NCOA1: variants seen among roughly 807,000 people sequenced by gnomAD.
NCOA1 encodes nuclear receptor coactivator 1.
In NCOA1, 35 loss-of-function variants were observed where a neutral mutation model predicts 150.9. The ratio of observed to expected loss-of-function variants is 0.23; its 90% confidence interval spans 0.18 to 0.31. NCOA1 has a LOEUF of 0.31. NCOA1 is among the 10% of genes least tolerant of loss of function. The pLI is 1.00. For synonymous variants in NCOA1, 590 were observed against 630.0 expected (o/e 0.94, Z 0.95); for missense variants, 1,491 against 1,749.3 (o/e 0.85, Z 2.63).
chr2:24,590,269 A>G (rs1240351533), intron 3 of NCOA1, among the ~76,000 whole-genome samples: 2 of 152,194 alleles, frequency 1.3e-5, no homozygotes, highest in African/African-American at 2.4e-5. Context: ...AAAGCATGTC[A>G]GTATCTTTTC....
chr2:24,536,348 C>T lies in NCOA1; in HGVS notation c.-395-27947C>T, dbSNP rs556499218. On this transcript the variant is annotated intron_variant, in intron 1 of 22. Transcript: ENST00000348332. ...ACACTGTTTATTCTAGTTAGCCATTCGCCTAACCTTTTTTCAAGGTTTTTA... is the reference window on the plus strand; with the variant it reads ...ACACTGTTTATTCTAGTTAGCCATTTGCCTAACCTTTTTTCAAGGTTTTTA... 9.2e-5 allele frequency among the ~76,000 whole-genome samples: 14 copies of T among 152,234 alleles called. No individual in the cohort carries two copies. In the East Asian group the frequency reaches 9.7e-4, roughly 10 times the overall value.
At position 24,707,796 on chromosome 2, in the gene NCOA1, G is replaced by A; in HGVS notation, c.2326G>A (p.Glu776Lys). 6.2e-7 allele frequency: 1 copy of A among 1,614,150 alleles called. No individual in the cohort carries two copies. The highest frequency in any genetic ancestry group is 1.1e-5 in the South Asian group (1 of 91,080). Reference protein sequence around the residue: ...LSLDDVKVKVEKKEQMDPCNT... With the variant: ...LSLDDVKVKVKKKEQMDPCNT... ...CCTGGATGATGTAAAGGTGAAAGTG[G>A]AAAAGAAAGAACAGATGGATCCATG... is the stretch of plus-strand genomic sequence containing the variant. Residue 776 changes from glutamate to lysine, a missense_variant, in exon 13 of 23, where the codon GAA (glutamate) becomes AAA (lysine). By Grantham distance (56) the Glu-to-Lys change is moderately conservative. This residue lies in a region of NCOA1 where 703 missense variants were observed against 717.7 expected (regional missense o/e 0.98). Coordinates refer to ENST00000348332, the MANE Select transcript of NCOA1 (RefSeq NM_003743.5).
chr2:24,762,278 G>A lies in NCOA1; in HGVS notation c.4066-409G>A, dbSNP rs1222844273. ...TCAATTTTTTTAGCTGATTGAGGCA[G>A]GAGGATAAGTCTGATCCCTGTTACT... On this transcript the variant is annotated intron_variant, in intron 21 of 22. Coordinates refer to ENST00000348332, the MANE Select transcript of NCOA1 (RefSeq NM_003743.5). Among the ~76,000 whole-genome samples, 3 of 152,346 alleles carry A rather than the reference G, an allele frequency of 2.0e-5. No homozygotes were observed. In the East Asian group the frequency reaches 5.8e-4, roughly 29 times the overall value.
Position 24,739,470 on chromosome 2 carries a change from T to G in NCOA1, c.3240T>G (p.Phe1080Leu). 6.2e-7 allele frequency: 1 copy of G among 1,613,960 alleles called. No homozygotes were observed. The highest frequency in any genetic ancestry group is 8.5e-7 in the Non-Finnish European group (1 of 1,179,858). The change falls in exon 18 of 23, where the codon TTT becomes TTG. Residue 1080 changes from phenylalanine (F) to leucine (L), a missense_variant. By Grantham distance (22) the Phe-to-Leu change is conservative. This residue lies in a region of NCOA1 where 485 missense variants were observed against 522.8 expected (regional missense o/e 0.93). Coordinates refer to ENST00000348332, the MANE Select transcript of NCOA1 (RefSeq NM_003743.5). ...ATCGGCAAGCTATCTTAAACCAGTT[T>G]GCAGCAACTGCTCCTGTTGGCATCA... is the stretch of plus-strand genomic sequence containing the variant. ...HQNRQAILNQ[F>L]AATAPVGINM...
intron 19 of NCOA1, among the ~76,000 whole-genome samples, chr2:24,747,157 CATTCCAATATGAACAGTT>C: frequency 6.6e-6 from 1 of 152,062 alleles, no homozygotes; most frequent in African/African-American, 2.4e-5. Flanking sequence ...GGAAACTGTT[CATTCCAATATGAACAGTT>C]AGAATGTGAG....
At chr2:24,614,837 A>G (rs184755146) in intron 3 of NCOA1, among the ~76,000 whole-genome samples, 148 of 152,368 alleles carry the variant, frequency 9.7e-4, no homozygotes, top group Admixed American at 3.5e-3. Context: ...AAGGTAACAT[A>G]TATTGTAAGC....
At chr2:24,718,149 C>T (rs575151844) in intron 14 of NCOA1, among the ~76,000 whole-genome samples, 1 of 152,270 alleles carries the variant, frequency 6.6e-6, no homozygotes, top group Admixed American at 6.5e-5. Context: ...ATCCACCCGC[C>T]TTGGCTTCCC....
At chr2:24,765,176 CAAA>C (rs60481361) in intron 22 of NCOA1, among the ~76,000 whole-genome samples, 3 of 138,206 alleles carry the variant, frequency 2.2e-5, no homozygotes, top group East Asian at 2.1e-4. Flanking sequence ...TACTTCGACT[CAAA>C]AAAAAAAAAG....
intron 14 of NCOA1, among the ~76,000 whole-genome samples, chr2:24,714,122 G>A (rs1055853816): frequency 1.2e-4 from 18 of 152,164 alleles, no homozygotes; most frequent in African/African-American, 4.1e-4. Context: ...GGGACATTTA[G>A]TGGAAAATGG....
At chr2:24,682,082 C>G (rs991015609) in intron 7 of NCOA1, among the ~76,000 whole-genome samples, 1 of 151,984 alleles carries the variant, frequency 6.6e-6, no homozygotes, top group African/African-American at 2.4e-5. Flanking sequence ...TTAATTTCGC[C>G]GTAGATAACC....
At chr2:24,730,897 G>C (rs112340550) in intron 17 of NCOA1, among the ~76,000 whole-genome samples, 1 of 149,804 alleles carries the variant, frequency 6.7e-6, no homozygotes. Context: ...AAAAAAACGG[G>C]CATGGTGGCA....
chr2:24,544,386 G>A (rs1026513957), intron 1 of NCOA1, among the ~76,000 whole-genome samples: 13 of 152,170 alleles, frequency 8.5e-5, no homozygotes, highest in African/African-American at 3.1e-4. Flanking sequence ...GATAACTCAA[G>A]TAAAATGTGC....
At chr2:24,494,398 G>A (rs1663108851) in intron 1 of NCOA1, among the ~76,000 whole-genome samples, 1 of 152,072 alleles carries the variant, frequency 6.6e-6, no homozygotes, top group African/African-American at 2.4e-5. Context: ...ACTCCACATT[G>A]TTTGAATGTT....
chr2:24,642,900 A>G (rs1670295834), intron 3 of NCOA1, among the ~76,000 whole-genome samples: 1 of 152,204 alleles, frequency 6.6e-6, no homozygotes, highest in Non-Finnish European at 1.5e-5. Context: ...CAATTTATGT[A>G]GTATTCTCAA....
At chr2:24,750,975 A>C (rs1307351352) in intron 19 of NCOA1, among the ~76,000 whole-genome samples, 1 of 151,232 alleles carries the variant, frequency 6.6e-6, no homozygotes, top group Non-Finnish European at 1.5e-5. Flanking sequence ...TTTTATTTTC[A>C]TACATGGCTT....
chr2:24,697,539 A>T, intron 10 of NCOA1, 119 bp from the exon 11 acceptor site: 1 of 901,520 alleles, frequency 1.1e-6, no homozygotes, highest in Non-Finnish European at 1.6e-6. Flanking sequence ...GTGCTTTTTG[A>T]TGCTTTTGTT....
chr2:24,683,725 C>G (rs1436615454), intron 8 of NCOA1, among the ~76,000 whole-genome samples: 1 of 152,064 alleles, frequency 6.6e-6, no homozygotes, highest in Non-Finnish European at 1.5e-5. Flanking sequence ...TAACAGCAAG[C>G]CTTTGTTTAC....
chr2:24,590,858 C>T (rs1037808597), intron 3 of NCOA1, among the ~76,000 whole-genome samples: 1 of 152,124 alleles, frequency 6.6e-6, no homozygotes, highest in Non-Finnish European at 1.5e-5. Flanking sequence ...ATAGGACTTA[C>T]CATGTTCTAA....
At chr2:24,522,614 TAGAAATGGG>T (rs1262548915) in intron 1 of NCOA1, among the ~76,000 whole-genome samples, 15 of 152,034 alleles carry the variant, frequency 9.9e-5, no homozygotes, top group Admixed American at 6.6e-5. Context: ...AGCAATGGTA[TAGAAATGGG>T]AGGAGGAAGA....
Sources: gnomAD v4.1 joint callset for allele counts (sites outside exome capture counted in the v4.1 genomes callset) on GRCh38, gnomAD v4.1.1 for gene constraint, gnomAD v4.1.1 regional missense constraint, MANE v1.5 for transcripts, NCBI Gene and HGNC (gene_info 2026-07-23, HGNC 2026-07-21) for gene names.